Variants in THOC2 observed in about 807,000 individuals in gnomAD.
THOC2 encodes THO complex subunit 2.
A neutral mutation model predicts 128.4 loss-of-function variants in THOC2; 10 were observed. The observed-to-expected ratio is 0.08, with a 90% CI of 0.05 to 0.13. The LOEUF (loss-of-function observed/expected upper bound fraction) is 0.13, where lower values mean the gene tolerates loss of function less well. THOC2 is among the 10% of genes least tolerant of loss of function. THOC2 has a pLI of 1.00. For missense variants in THOC2, 535 were observed against 1,155.7 expected, an observed-to-expected ratio of 0.46 and a Z score of 7.79; for synonymous variants, 393 against 396.9, an observed-to-expected ratio of 0.99 and a Z score of 0.12.
At chrX:123,726,540 A>G (rs2051999774) in intron 1 of THOC2, among the ~76,000 whole-genome samples, 1 of 109,634 alleles carries the variant, frequency 9.1e-6, no homozygotes, top group African/African-American at 3.3e-5. Flanking sequence ...ACTTCTCCTT[A>G]TAACAATGCA....
chrX:123,722,732 A>T lies in THOC2; in HGVS notation c.72-9824T>A, dbSNP rs182018729. Among the ~76,000 whole-genome samples, 201 of 110,355 alleles carry T rather than the reference A, an allele frequency of 1.8e-3. 2 individuals carry two copies. Among genetic ancestry groups the T allele is most frequent in the African/African-American group, 5.4e-3 (165 of 30,410 alleles). On this transcript the variant is annotated intron_variant, in intron 1 of 38. Transcript: ENST00000245838. Reference sequence around the variant, plus strand: ...CACATGTATCCCAGAACTTAAAATTAAAAAAAAATGACAGTTGTAACACAT... The same window carrying T: ...CACATGTATCCCAGAACTTAAAATTTAAAAAAAATGACAGTTGTAACACAT...
intron 8 of THOC2, among the ~76,000 whole-genome samples, chrX:123,683,858 C>T (rs1248658131): frequency 9.0e-6 from 1 of 110,971 alleles, no homozygotes; most frequent in East Asian, 2.8e-4. Context: ...CCTCGCCCTC[C>T]AAAAATGCTG....
At chrX:123,729,895 C>A (rs1230475831) in intron 1 of THOC2, among the ~76,000 whole-genome samples, 1 of 112,058 alleles carries the variant, frequency 8.9e-6, no homozygotes, top group Non-Finnish European at 1.9e-5. Context: ...CACAAAAACT[C>A]CAAAGACATG....
intron 38 of THOC2, among the ~76,000 whole-genome samples, chrX:123,605,082 A>C (rs2046417468): frequency 8.9e-6 from 1 of 112,142 alleles, no homozygotes; most frequent in Middle Eastern, 4.2e-3. Flanking sequence ...TCTTTATAGC[A>C]AACAGAGTTC....
chrX:123,630,611 T>TC (rs2047440418), intron 22 of THOC2, among the ~76,000 whole-genome samples: 3 of 31,385 alleles, frequency 9.6e-5, no homozygotes, highest in Non-Finnish European at 1.4e-4. Context: ...AGACTCCATC[T>TC]CAAAAAAAAA....
intron 2 of THOC2, among the ~76,000 whole-genome samples, chrX:123,710,737 C>G (rs371841073): frequency 9.1e-6 from 1 of 109,588 alleles, no homozygotes; most frequent in East Asian, 2.9e-4. Flanking sequence ...CGCCTGTAAT[C>G]CCAGCTCTTT....
rs1277147778 is a variant in THOC2, at chrX:123,600,727, A to T, written c.*630T>A. 8.9e-6 allele frequency: 1 copy of T among 112,218 alleles called. No individual in the cohort carries two copies. Among genetic ancestry groups the T allele is most frequent in the African/African-American group, 3.2e-5 (1 of 30,859 alleles). The allele number at this position is 112,218 out of a possible 1,213,427, so 9.2% of individuals were successfully genotyped here. On this transcript the variant is annotated 3_prime_UTR_variant, in exon 39 of 39. Coordinates refer to ENST00000245838, the MANE Select transcript of THOC2 (RefSeq NM_001081550.2). Reference sequence around the variant, plus strand: ...GTAGAATTAAAACAATTATGTTTTGATCCCCCCGCCGCCAAGATTTGTCTA... The same window carrying T: ...GTAGAATTAAAACAATTATGTTTTGTTCCCCCCGCCGCCAAGATTTGTCTA...
At chrX:123,663,617 T>G (rs950094447) in intron 12 of THOC2, among the ~76,000 whole-genome samples, 12 of 108,766 alleles carry the variant, frequency 1.1e-4, no homozygotes, top group African/African-American at 4.1e-4. Context: ...TTGCAGGTAC[T>G]ATTCTGTTTT....
intron 1 of THOC2, among the ~76,000 whole-genome samples, chrX:123,713,838 CAGGAAAAAAAAAAAA>C (rs2051296216): frequency 1.1e-5 from 1 of 92,740 alleles, no homozygotes; most frequent in East Asian, 3.2e-4. Context: ...GCCTGGGAGA[CAGGAAAAAAAAAAAA>C]AGGAAAAAAG....
intron 9 of THOC2, among the ~76,000 whole-genome samples, chrX:123,671,331 A>C (rs987490844): frequency 2.7e-5 from 3 of 111,671 alleles, no homozygotes. Context: ...GGCTTAAAAA[A>C]CCACATTGGT....
chrX:123,613,589 T>C (rs755435895), intron 35 of THOC2, 33 bp from the exon 36 acceptor site: 2 of 1,205,293 alleles, frequency 1.7e-6, no homozygotes, highest in African/African-American at 3.5e-5. Flanking sequence ...TGAAAGCCTT[T>C]TCCAATTCAC....
chrX:123,654,758 CAAAAAAAAAAA>C lies in THOC2; in HGVS notation c.1387-9394_1387-9384del, dbSNP rs149260708. Reference sequence around the variant, plus strand: ...TGGGTGACAGAGCTAGACTCCGTCTCAAAAAAAAAAAAAAAAAAAAAAAAAAGTTTGAATAA... The same window carrying C: ...TGGGTGACAGAGCTAGACTCCGTCTCAAAAAAAAAAAAAAAGTTTGAATAA... On this transcript the variant is annotated intron_variant, in intron 12 of 38. Coordinates refer to ENST00000245838, the MANE Select transcript of THOC2 (RefSeq NM_001081550.2). 1.6e-3 allele frequency among the ~76,000 whole-genome samples: 38 copies of C among 24,370 alleles called. 1 individual carries two copies. In the South Asian group the frequency reaches 0.14, roughly 87 times the overall value. 21.2% of individuals were successfully genotyped at this position (24,370 alleles called of 115,157 possible).
chrX:123,640,014 C>T (rs914871513), intron 16 of THOC2, among the ~76,000 whole-genome samples: 1 of 110,858 alleles, frequency 9.0e-6, no homozygotes, highest in African/African-American at 3.3e-5. Context: ...GGTGAAACCA[C>T]ATCTCTACTA....
chrX:123,623,043 CA>C, intron 29 of THOC2, 61 bp downstream of exon 29: 1 of 1,085,032 alleles, frequency 9.2e-7, no homozygotes, highest in Non-Finnish European at 1.2e-6. Context: ...TTCTGTGATA[CA>C]AAACATTTCA....
intron 12 of THOC2, among the ~76,000 whole-genome samples, chrX:123,653,787 GA>G (rs1411943833): frequency 8.9e-6 from 1 of 112,141 alleles, no homozygotes; most frequent in African/African-American, 3.2e-5. Flanking sequence ...AGGATGTGGA[GA>G]AATGGTAATG....
At chrX:123,632,820 T>C (rs181747036) in intron 21 of THOC2, 41 bp downstream of exon 21, 1 of 1,091,151 alleles carries the variant, frequency 9.2e-7, no homozygotes, top group East Asian at 3.0e-5. Flanking sequence ...TTTAACAGGA[T>C]TAAAAACATG....
chrX:123,684,316 C>T (rs2049917766), intron 8 of THOC2, among the ~76,000 whole-genome samples: 2 of 112,089 alleles, frequency 1.8e-5, no homozygotes, highest in South Asian at 3.7e-4. Context: ...GCTTCATGTA[C>T]TCAAGCCCAG....
chrX:123,641,509 G>C (rs1319650978), intron 15 of THOC2, among the ~76,000 whole-genome samples: 1 of 111,641 alleles, frequency 9.0e-6, no homozygotes, highest in African/African-American at 3.3e-5. Flanking sequence ...CCATATCCCA[G>C]TTTTGGTTTC....
At chrX:123,691,248 C>T (rs1053499001) in intron 7 of THOC2, among the ~76,000 whole-genome samples, 1 of 111,287 alleles carries the variant, frequency 9.0e-6, no homozygotes, top group Admixed American at 9.6e-5. Context: ...AACAAAAAAC[C>T]CCTATAGTTG....
Sources: allele counts gnomAD v4.1 joint callset (sites outside exome capture counted in the v4.1 genomes callset), GRCh38; gene constraint gnomAD v4.1.1; transcripts MANE v1.5; gene names NCBI Gene and HGNC (gene_info 2026-07-23, HGNC 2026-07-21).